Variants in RGS3 observed in about 807,000 individuals in gnomAD.
RGS3 encodes regulator of G protein signaling 3.
A neutral mutation model predicts 132.6 loss-of-function variants in RGS3; 80 were observed. The ratio of observed to expected loss-of-function variants is 0.60; its 90% confidence interval spans 0.50 to 0.73. RGS3 has a LOEUF of 0.73. RGS3 is among the 30% of genes least tolerant of loss of function. The pLI is 0.00. For missense variants in RGS3, 1,382 were observed against 1,530.8 expected (o/e 0.90, Z 1.62); for synonymous variants, 598 against 620.6 (o/e 0.96, Z 0.54).
intron 7 of RGS3, among the ~76,000 whole-genome samples, chr9:113,487,849 T>C (rs1166148991): frequency 2.0e-5 from 3 of 152,226 alleles, no homozygotes; most frequent in Non-Finnish European, 4.4e-5. Flanking sequence ...ACATCAGAAT[T>C]CCTTGGGATG....
At chr9:113,522,500 A>G (rs1365713761) in intron 16 of RGS3, 2 of 157,200 alleles carry the variant, frequency 1.3e-5, no homozygotes, top group African/African-American at 2.4e-5. Context: ...TTTCAGCCAG[A>G]CACTTAGAGC....
chr9:113,530,132 G>A (rs557846597), intron 18 of RGS3, among the ~76,000 whole-genome samples: 1 of 152,362 alleles, frequency 6.6e-6, no homozygotes, highest in African/African-American at 2.4e-5. Context: ...TTTTGTGGGA[G>A]GTGGGACATG....
chr9:113,495,705 A>T lies in RGS3; in HGVS notation c.690-81A>T. On this transcript the variant is annotated intron_variant, in intron 7 of 24. Coordinates refer to ENST00000350696, the Ensembl canonical transcript of RGS3. ...TTTGTAAACCACAGTGCATCAGGCA[A>T]ACCCATGCTATACTTGATAATGGAC... 3 of 1,150,926 alleles carry T rather than the reference A, an allele frequency of 2.6e-6. No homozygotes were observed. The South Asian group carries it at 3.7e-5, about 14-fold the overall frequency. 71.3% of individuals were successfully genotyped at this position (1,150,926 alleles called of 1,614,324 possible).
At position 113,506,366 on chromosome 9, in the gene RGS3, T is replaced by C; in HGVS notation, c.980-22T>C. 6.5e-7 allele frequency: 1 copy of C among 1,546,126 alleles called. No homozygotes were observed. Among genetic ancestry groups the C allele is most frequent in the Non-Finnish European group, 8.8e-7 (1 of 1,136,306 alleles). ...GTCTTAGGCTTCAGGGGCCCCTGAA[T>C]GGCTTTTCTTTGTCCCTGCAGGGGG... On this transcript the variant is annotated intron_variant, in intron 11 of 24. Transcript: ENST00000350696. The surrounding 1 kb of genome is among the most constrained non-coding windows in gnomAD (Gnocchi z 4.7).
At chr9:113,499,372 C>T (rs890135929) in intron 10 of RGS3, among the ~76,000 whole-genome samples, 4 of 152,268 alleles carry the variant, frequency 2.6e-5, no homozygotes, top group Non-Finnish European at 5.9e-5. Context: ...ATACATGGTT[C>T]AGAGCATTAG....
chr9:113,486,115 G>A (rs1830325051), intron 7 of RGS3, among the ~76,000 whole-genome samples: 1 of 152,180 alleles, frequency 6.6e-6, no homozygotes, highest in Admixed American at 6.5e-5. Flanking sequence ...AGTACCTAGT[G>A]CCTGGCATAT....
At chr9:113,530,270 C>T (rs1415237468) in intron 18 of RGS3, among the ~76,000 whole-genome samples, 1 of 152,154 alleles carries the variant, frequency 6.6e-6, no homozygotes. Flanking sequence ...TTGAACAGCC[C>T]CCTGGAGGAG....
At chr9:113,574,254 C>T (rs1195580247) in intron 19 of RGS3, among the ~76,000 whole-genome samples, 2 of 152,246 alleles carry the variant, frequency 1.3e-5, no homozygotes, top group African/African-American at 4.8e-5. Context: ...AATATCCATG[C>T]TCCTGCCTCA....
chr9:113,505,340 G>T lies in RGS3; in HGVS notation c.898-102G>T. On this transcript the variant is annotated intron_variant, in intron 10 of 24. Coordinates refer to ENST00000350696, the Ensembl canonical transcript of RGS3. ...TTTGTGCCTCCAGTTCCCTTGGAGA[G>T]GAGGGTGGCTCTTGGCAGGGGTGGG... 4.2e-6 allele frequency: 4 copies of T among 947,598 alleles called. No individual in the cohort carries two copies. The East Asian group carries it at 1.0e-4, about 24-fold the overall frequency. The allele number at this position is 947,598 out of a possible 1,614,324, so 58.7% of individuals were successfully genotyped here. A position where few individuals can be genotyped will look rare whatever the true frequency, so the allele number is the denominator to read the frequency against.
chr9:113,447,331 A>G lies in RGS3; in HGVS notation c.-13+2404A>G, dbSNP rs559219475. On this transcript the variant is annotated intron_variant, in intron 1 of 25. Transcript: ENST00000374140. ...AATAAATTCTGATGTATGTATATGT[A>G]TATATATATATATATATATATATAT... is the stretch of plus-strand genomic sequence containing the variant. Among the ~76,000 whole-genome samples, 71 of 70,008 alleles carry G rather than the reference A, an allele frequency of 1.0e-3. 1 individual carries two copies. Among genetic ancestry groups the G allele is most frequent in the African/African-American group, 2.1e-3 (42 of 19,894 alleles). The allele number at this position is 70,008 out of a possible 152,430, so 45.9% of individuals were successfully genotyped here. A position where few individuals can be genotyped will look rare whatever the true frequency, so the allele number is the denominator to read the frequency against.
chr9:113,508,052 A>T (rs1831222435), intron 13 of RGS3, among the ~76,000 whole-genome samples: 1 of 152,180 alleles, frequency 6.6e-6, no homozygotes, highest in Non-Finnish European at 1.5e-5. Flanking sequence ...ATGCTCTGGG[A>T]AAAAGGTGTT....
At chr9:113,545,641 T>C (rs1194532660) in intron 19 of RGS3, among the ~76,000 whole-genome samples, 1 of 152,170 alleles carries the variant, frequency 6.6e-6, no homozygotes, top group African/African-American at 2.4e-5. Context: ...TCGAAGACTT[T>C]CTCTGAATAG....
chr9:113,516,099 T>C (rs1831645078), intron 15 of RGS3, among the ~76,000 whole-genome samples: 2 of 152,248 alleles, frequency 1.3e-5, no homozygotes, highest in Non-Finnish European at 2.9e-5. Flanking sequence ...TATCGTCTTA[T>C]CAGCAGCATA....
At chr9:113,496,639 C>T (rs1830693206) in intron 8 of RGS3, among the ~76,000 whole-genome samples, 1 of 152,124 alleles carries the variant, frequency 6.6e-6, no homozygotes, top group Non-Finnish European at 1.5e-5. Flanking sequence ...CAACCTCCGC[C>T]TCCCAGGTTC....
In RGS3 at chr9:113,595,150, C is replaced by T. The variant is rs1835697055; in HGVS notation, c.3244+170C>T. The T allele has an allele frequency of 7.7e-6, 5 of 648,378 alleles. No homozygotes were observed. The Admixed American group carries it at 1.4e-4, about 18-fold the overall frequency. 40.2% of individuals were successfully genotyped at this position (648,378 alleles called of 1,614,324 possible). On this transcript the variant is annotated intron_variant, in intron 23 of 24. Transcript: ENST00000350696. Reference sequence around the variant, plus strand: ...GCCCAAGCTGAGGCCCTTGGTCTGGCCTTGGAGCCAGCTTCTGCCAGCCCC... The same window carrying T: ...GCCCAAGCTGAGGCCCTTGGTCTGGTCTTGGAGCCAGCTTCTGCCAGCCCC...
chr9:113,510,075 A>T (rs970364818), intron 14 of RGS3, among the ~76,000 whole-genome samples: 2 of 151,898 alleles, frequency 1.3e-5, no homozygotes. Flanking sequence ...GTAGTCTTTT[A>T]TCTCTCACCC....
intron 9 of RGS3, 79 bp downstream of exon 7, chr9:113,497,483 G>A: frequency 8.5e-7 from 1 of 1,182,598 alleles, no homozygotes; most frequent in Non-Finnish European, 1.2e-6. Context: ...ATCAGTACTG[G>A]TATTTGGTGG....
At chr9:113,509,705 T>C (rs890716782) in intron 14 of RGS3, among the ~76,000 whole-genome samples, 4 of 152,200 alleles carry the variant, frequency 2.6e-5, no homozygotes, top group South Asian at 2.1e-4. Flanking sequence ...ACAGACTTGC[T>C]TCCTTGCTGT....
At chr9:113,575,058 G>A (rs1295581824) in intron 19 of RGS3, among the ~76,000 whole-genome samples, 1 of 152,152 alleles carries the variant, frequency 6.6e-6, no homozygotes, top group African/African-American at 2.4e-5. Flanking sequence ...AGAGGAGAAG[G>A]GACCTGGTGA....
Sources: allele counts gnomAD v4.1 joint callset (sites outside exome capture counted in the v4.1 genomes callset), GRCh38; gene constraint gnomAD v4.1.1; non-coding constraint Gnocchi (gnomAD v3.1); transcripts MANE v1.5; gene names NCBI Gene and HGNC (gene_info 2026-07-23, HGNC 2026-07-21).